The following CCSER2 variants were observed in gnomAD, a reference collection of about 807,000 sequenced individuals.
CCSER2 encodes coiled-coil serine rich protein 2.
Under a neutral mutation model 92.3 loss-of-function variants are expected in CCSER2, and 46 were observed. That is an observed-to-expected ratio of 0.50 (90% CI 0.39 to 0.64). CCSER2 has a LOEUF of 0.64. Among genes scored for constraint, CCSER2 ranks in the 30% least tolerant of loss-of-function variants. The probability of loss-of-function intolerance (pLI) is 0.00; values close to 1 mark genes in which losing one functional copy is unlikely to be tolerated. For missense variants in CCSER2, 1,244 were observed against 1,238.9 expected, an observed-to-expected ratio of 1.00 and a Z score of -0.06; for synonymous variants, 433 against 431.4, an observed-to-expected ratio of 1.00 and a Z score of -0.04.
intron 3 of CCSER2, among the ~76,000 whole-genome samples, chr10:84,379,318 T>G (rs1461497924): frequency 6.6e-6 from 1 of 152,142 alleles, no homozygotes; most frequent in African/African-American, 2.4e-5. Context: ...TATTGGTGTT[T>G]CCTCTCTTTT....
chr10:84,338,759 A>G (rs150883183), intron 1 of CCSER2, among the ~76,000 whole-genome samples: 3 of 152,196 alleles, frequency 2.0e-5, no homozygotes, highest in East Asian at 1.9e-4. Flanking sequence ...TTTTTTTCCT[A>G]ATGTACCTGA....
intron 1 of CCSER2, among the ~76,000 whole-genome samples, chr10:84,362,348 G>A (rs1027399877): frequency 2.0e-5 from 3 of 152,156 alleles, no homozygotes; most frequent in East Asian, 3.8e-4. Flanking sequence ...CAATATTGAC[G>A]TAGTTTGGCA....
intron 3 of CCSER2, among the ~76,000 whole-genome samples, chr10:84,401,319 C>A (rs1276725512): frequency 6.6e-6 from 1 of 152,020 alleles, no homozygotes; most frequent in African/African-American, 2.4e-5. Flanking sequence ...GCAAGACTGA[C>A]AAAGGCATAG....
chr10:84,402,269 C>T (rs1021084328), intron 3 of CCSER2, among the ~76,000 whole-genome samples: 5 of 152,160 alleles, frequency 3.3e-5, no homozygotes, highest in African/African-American at 1.2e-4. Flanking sequence ...GTCTGGGCCT[C>T]TGGTGGCTGC....
chr10:84,439,956 A>G (rs1451746474), intron 6 of CCSER2, among the ~76,000 whole-genome samples: 2 of 152,154 alleles, frequency 1.3e-5, no homozygotes, highest in African/African-American at 2.4e-5. Context: ...GGAAATAGGT[A>G]AAATATGTCA....
chr10:84,457,803 G>A (rs923885314), intron 6 of CCSER2, among the ~76,000 whole-genome samples: 3 of 149,568 alleles, frequency 2.0e-5, no homozygotes, highest in African/African-American at 7.4e-5. Context: ...GTGCAGTGGT[G>A]TGATCTAGGC....
At chr10:84,360,859 A>G (rs1397306191) in intron 1 of CCSER2, among the ~76,000 whole-genome samples, 1 of 152,218 alleles carries the variant, frequency 6.6e-6, no homozygotes, top group African/African-American at 2.4e-5. Context: ...CCACTGCTGT[A>G]TTCTAACACA....
chr10:84,357,581 C>T (rs1293349245), intron 1 of CCSER2, among the ~76,000 whole-genome samples: 1 of 151,822 alleles, frequency 6.6e-6, no homozygotes, highest in African/African-American at 2.4e-5. Context: ...TCCCGAGTAG[C>T]TGGGACTACA....
intron 3 of CCSER2, among the ~76,000 whole-genome samples, chr10:84,410,195 C>G (rs115213190): frequency 0.017 from 2,525 of 152,236 alleles, 71 homozygotes; most frequent in African/African-American, 0.057. Flanking sequence ...CATGTCTCTG[C>G]TACTGTGAAT....
At chr10:84,339,624 C>T (rs745636587) in intron 1 of CCSER2, among the ~76,000 whole-genome samples, 13 of 150,870 alleles carry the variant, frequency 8.6e-5, no homozygotes, top group African/African-American at 2.4e-4. Flanking sequence ...TACAGGCATG[C>T]GCCACCACGC....
At position 84,330,185 on chromosome 10, in the gene CCSER2, A is replaced by G. The variant is rs573262355; in HGVS notation, c.-40+1377A>G. 3.4e-4 allele frequency among the ~76,000 whole-genome samples: 52 copies of G among 152,342 alleles called. 1 individual carries two copies. Among genetic ancestry groups the G allele is most frequent in the Admixed American group, 2.7e-3 (42 of 15,304 alleles). On this transcript the variant is annotated intron_variant, in intron 1 of 9. Coordinates refer to ENST00000372088, the MANE Select transcript of CCSER2 (RefSeq NM_001284240.2). ...GTCCTTCAGTGACTCTCCATAGTCTATATCGATAAAATTCAAAGTCCTTCA... is the reference window on the plus strand; with the variant it reads ...GTCCTTCAGTGACTCTCCATAGTCTGTATCGATAAAATTCAAAGTCCTTCA...
intron 6 of CCSER2, among the ~76,000 whole-genome samples, chr10:84,441,936 T>G (rs1001546289): frequency 2.6e-5 from 4 of 151,720 alleles, no homozygotes; most frequent in African/African-American, 9.7e-5. Context: ...TCTTATATTT[T>G]TAGTAGAGAC....
intron 6 of CCSER2, among the ~76,000 whole-genome samples, chr10:84,457,317 T>TATATTATATATTATATATAAC (rs1845755277): frequency 1.4e-5 from 1 of 71,444 alleles, no homozygotes; most frequent in Non-Finnish European, 2.6e-5. Flanking sequence ...TTATATATAA[T>TATATTATATATTATATATAAC]ATATTATATA....
chr10:84,480,714 A>T (rs188234331), intron 9 of CCSER2, among the ~76,000 whole-genome samples: 1 of 152,350 alleles, frequency 6.6e-6, no homozygotes. Flanking sequence ...AAGTACTTAA[A>T]TCATACAAGC....
chr10:84,426,357 A>G (rs1039737761), intron 5 of CCSER2, among the ~76,000 whole-genome samples: 2 of 152,158 alleles, frequency 1.3e-5, no homozygotes, highest in African/African-American at 4.8e-5. Context: ...TTCTTTTTCA[A>G]AGTAGAGGAT....
intron 9 of CCSER2, among the ~76,000 whole-genome samples, chr10:84,512,685 A>G (rs1266283889): frequency 6.6e-6 from 1 of 152,206 alleles, no homozygotes; most frequent in Non-Finnish European, 1.5e-5. Context: ...GTTAGAGGCA[A>G]CTTCACATTT....
chr10:84,417,035 G>C (rs1842922954), intron 3 of CCSER2, among the ~76,000 whole-genome samples: 1 of 152,176 alleles, frequency 6.6e-6, no homozygotes, highest in South Asian at 2.1e-4. Context: ...TATGATATTT[G>C]GATTCATTCT....
At chr10:84,374,048 A>G in intron 3 of CCSER2, 1 of 931,438 alleles carries the variant, frequency 1.1e-6, no homozygotes, top group Non-Finnish European at 1.5e-6. Flanking sequence ...TATTCCTCAT[A>G]CATATGTGCA....
chr10:84,420,889 C>T (rs1262491325), intron 4 of CCSER2, among the ~76,000 whole-genome samples: 9 of 149,252 alleles, frequency 6.0e-5, no homozygotes, highest in African/African-American at 2.2e-4. Context: ...GCCGAGATCA[C>T]GCTACTGCAC....
Sources: gnomAD v4.1 joint callset for allele counts (sites outside exome capture counted in the v4.1 genomes callset) on GRCh38, gnomAD v4.1.1 for gene constraint, MANE v1.5 for transcripts, NCBI Gene and HGNC (gene_info 2026-07-23, HGNC 2026-07-21) for gene names.